TP53BP2: variants seen among roughly 807,000 people sequenced by gnomAD.
The protein encoded by TP53BP2 is tumor protein p53 binding protein 2, also known as apoptosis-stimulating of p53 protein 2.
In TP53BP2, 62 loss-of-function variants were observed where a neutral mutation model predicts 126.2. That is an observed-to-expected ratio of 0.49 (90% CI 0.40 to 0.61). The LOEUF (loss-of-function observed/expected upper bound fraction) is 0.61. Among genes scored for constraint, TP53BP2 ranks in the 20% least tolerant of loss-of-function variants. The pLI, the probability that TP53BP2 is intolerant of heterozygous loss-of-function variation, is 0.00. For missense variants in TP53BP2, 1,215 were observed against 1,402.8 expected (o/e 0.87, Z 2.14); for synonymous variants, 485 against 502.9 (o/e 0.96, Z 0.48).
At chr1:223,832,292 TAA>T (rs1663763180) in intron 1 of TP53BP2, among the ~76,000 whole-genome samples, 1 of 152,100 alleles carries the variant, frequency 6.6e-6, no homozygotes, top group African/African-American at 2.4e-5. Flanking sequence ...GAACAATCTA[TAA>T]AAAGAGTGAC....
At chr1:223,836,122 AAAG>A (rs1422206028) in intron 1 of TP53BP2, among the ~76,000 whole-genome samples, 2 of 152,204 alleles carry the variant, frequency 1.3e-5, no homozygotes, top group Non-Finnish European at 2.9e-5. Context: ...AAGGCAGGAC[AAAG>A]AAGAGATGGG....
chr1:223,786,552 T>TTA (rs1413630942), intron 16 of TP53BP2, among the ~76,000 whole-genome samples: 50 of 150,706 alleles, frequency 3.3e-4, no homozygotes, highest in African/African-American at 1.2e-3. Context: ...TATTAACACA[T>TTA]TATATATATG....
chr1:223,792,051 A>C (rs981364779), intron 15 of TP53BP2, among the ~76,000 whole-genome samples: 1 of 152,204 alleles, frequency 6.6e-6, no homozygotes, highest in Non-Finnish European at 1.5e-5. Flanking sequence ...AGACTGAACC[A>C]TTTCAGGGGC....
At chr1:223,811,704 A>G (rs906160993) in intron 3 of TP53BP2, among the ~76,000 whole-genome samples, 1 of 152,222 alleles carries the variant, frequency 6.6e-6, no homozygotes, top group Admixed American at 6.5e-5. Context: ...AATTGGAAAA[A>G]GAATATGGTG....
chr1:223,799,768 G>A, intron 11 of TP53BP2, 131 bp downstream of exon 11: 1 of 795,000 alleles, frequency 1.3e-6, no homozygotes, highest in Non-Finnish European at 1.8e-6. Flanking sequence ...ATAACAGAAT[G>A]CTAATGTATT....
intron 1 of TP53BP2, among the ~76,000 whole-genome samples, chr1:223,822,829 A>G (rs1165057696): frequency 1.3e-5 from 2 of 152,244 alleles, no homozygotes; most frequent in Admixed American, 1.3e-4. Flanking sequence ...AACGAAGTGA[A>G]ACAGGAAACA....
At chr1:223,795,051 CTTCA>C (rs1413763410) in intron 13 of TP53BP2, among the ~76,000 whole-genome samples, 9 of 152,300 alleles carry the variant, frequency 5.9e-5, no homozygotes, top group African/African-American at 1.9e-4. Flanking sequence ...AAAAAGCAGA[CTTCA>C]TTCAGACATT....
At chr1:223,808,496 G>C (rs1460177660) in intron 4 of TP53BP2, among the ~76,000 whole-genome samples, 3 of 150,238 alleles carry the variant, frequency 2.0e-5, no homozygotes, top group Non-Finnish European at 4.4e-5. Context: ...AGCCGAGATC[G>C]CGCCACTGCA....
Position 223,802,721 on chromosome 1 carries a change from G to C in TP53BP2, c.996+10C>G, listed in dbSNP as rs746765371. 1 of 1,613,750 alleles carries C rather than the reference G, an allele frequency of 6.2e-7. No homozygotes were observed. Among genetic ancestry groups the C allele is most frequent in the Admixed American group, 1.7e-5 (1 of 59,996 alleles). On this transcript the variant is annotated intron_variant, in intron 8 of 17. Coordinates refer to ENST00000343537, the MANE Select transcript of TP53BP2 (RefSeq NM_001031685.3). ...TCCTCCCCAAAACCATTACAAAACG[G>C]CCCACTTACTGGTAGATTTTCTTTT...
chr1:223,811,700 A>G (rs1024739076), intron 3 of TP53BP2, among the ~76,000 whole-genome samples: 22 of 152,310 alleles, frequency 1.4e-4, no homozygotes, highest in African/African-American at 5.1e-4. Context: ...ATTGAATTGG[A>G]AAAAGAATAT....
intron 5 of TP53BP2, 69 bp from the exon 6 acceptor site, chr1:223,804,417 A>T: frequency 7.2e-7 from 1 of 1,393,622 alleles, no homozygotes; most frequent in Non-Finnish European, 1.0e-6. Flanking sequence ...AAATAGCCTA[A>T]CTGCAACACT....
At chr1:223,816,265 C>T (rs778159296) in intron 2 of TP53BP2, among the ~76,000 whole-genome samples, 14 of 152,298 alleles carry the variant, frequency 9.2e-5, no homozygotes, top group South Asian at 2.1e-4. Flanking sequence ...ACATAACAGG[C>T]ATCCGAGAAA....
intron 1 of TP53BP2, among the ~76,000 whole-genome samples, chr1:223,823,054 T>A (rs59433589): frequency 0.039 from 5,888 of 152,226 alleles, 372 homozygotes; most frequent in African/African-American, 0.13. Flanking sequence ...TCTTTTAAAA[T>A]CATTAATGAA....
At chr1:223,792,904 G>A (rs1662201437) in intron 14 of TP53BP2, among the ~76,000 whole-genome samples, 1 of 150,648 alleles carries the variant, frequency 6.6e-6, no homozygotes, top group Non-Finnish European at 1.5e-5. Flanking sequence ...TTAAATAGTA[G>A]GCTTCTAAAA....
chr1:223,822,957 CA>C (rs1210067177), intron 1 of TP53BP2, among the ~76,000 whole-genome samples: 6 of 152,128 alleles, frequency 3.9e-5, no homozygotes, highest in African/African-American at 1.4e-4. Flanking sequence ...CGTTACCTCA[CA>C]GTGAGAATAC....
chr1:223,828,167 A>T (rs1663566498), intron 1 of TP53BP2, among the ~76,000 whole-genome samples: 1 of 152,238 alleles, frequency 6.6e-6, no homozygotes, highest in African/African-American at 2.4e-5. Flanking sequence ...CCTGCATCTG[A>T]TACCAAAATA....
At chr1:223,843,595 ATATTT>A (rs796637601) in intron 1 of TP53BP2, among the ~76,000 whole-genome samples, 27 of 152,348 alleles carry the variant, frequency 1.8e-4, no homozygotes, top group African/African-American at 5.0e-4. Flanking sequence ...TTAAAATGGC[ATATTT>A]TATTTTATGT....
At chr1:223,802,617 G>C (rs940431836) in intron 8 of TP53BP2, 114 bp downstream of exon 8, 56 of 1,296,852 alleles carry the variant, frequency 4.3e-5, no homozygotes, top group Non-Finnish European at 5.8e-5. Context: ...AACAGCATCT[G>C]TTTTCTGAGG....
intron 1 of TP53BP2, among the ~76,000 whole-genome samples, chr1:223,824,765 T>C (rs947933959): frequency 3.3e-5 from 5 of 151,948 alleles, no homozygotes; most frequent in African/African-American, 9.7e-5. Context: ...GCCTACAAGG[T>C]CTGCTGTAGT....
Sources: gnomAD v4.1 joint callset for allele counts (sites outside exome capture counted in the v4.1 genomes callset) on GRCh38, gnomAD v4.1.1 for gene constraint, MANE v1.5 for transcripts, NCBI Gene and HGNC (gene_info 2026-07-23, HGNC 2026-07-21) for gene names.